PLCB1: variants seen among roughly 807,000 people sequenced by gnomAD.
PLCB1 encodes the protein 1-phosphatidylinositol 4,5-bisphosphate phosphodiesterase beta-1.
In PLCB1, 46 loss-of-function variants were observed where a neutral mutation model predicts 161.8. That is an observed-to-expected ratio of 0.28 (90% CI 0.22 to 0.36). PLCB1 has a LOEUF of 0.36. Ranked by LOEUF, PLCB1 falls within the 10% of genes least tolerant of loss-of-function variation. The probability of loss-of-function intolerance (pLI) is 1.00; values close to 1 mark genes in which losing one functional copy is unlikely to be tolerated. For synonymous variants in PLCB1, 517 were observed against 503.7 expected, an observed-to-expected ratio of 1.03 and a Z score of -0.35; for missense variants, 1,016 against 1,472.5, an observed-to-expected ratio of 0.69 and a Z score of 5.07.
chr20:8,476,598 T>C (rs1982292297), intron 3 of PLCB1, among the ~76,000 whole-genome samples: 1 of 152,226 alleles, frequency 6.6e-6, no homozygotes, highest in African/African-American at 2.4e-5. Flanking sequence ...AATTTCTTCA[T>C]TAGAGCCTTC....
chr20:8,404,809 T>G (rs2122488208), intron 3 of PLCB1, among the ~76,000 whole-genome samples: 1 of 152,318 alleles, frequency 6.6e-6, no homozygotes, highest in Admixed American at 6.5e-5. Flanking sequence ...ATTTTGGAAG[T>G]ATGGCTTTAA....
chr20:8,643,802 GTCTCCC>G (rs1989040233), intron 4 of PLCB1, among the ~76,000 whole-genome samples: 1 of 105,418 alleles, frequency 9.5e-6, no homozygotes, highest in Non-Finnish European at 2.0e-5. Context: ...TCTCCCCATG[GTCTCCC>G]TCTCCCTCTC....
chr20:8,771,873 C>CCTTCCTTCCTTCA (rs1982699089), intron 26 of PLCB1, among the ~76,000 whole-genome samples: 1 of 89,736 alleles, frequency 1.1e-5, no homozygotes, highest in African/African-American at 4.2e-5. Flanking sequence ...TCCTTCCTTC[C>CCTTCCTTCCTTCA]TTCGTTCCTT....
intron 26 of PLCB1, among the ~76,000 whole-genome samples, chr20:8,772,434 C>T (rs1402525258): frequency 6.6e-6 from 1 of 152,154 alleles, no homozygotes; most frequent in African/African-American, 2.4e-5. Flanking sequence ...CACTACTGCA[C>T]CTCCATGCTG....
intron 2 of PLCB1, among the ~76,000 whole-genome samples, chr20:8,219,998 G>T (rs1344527252): frequency 1.3e-5 from 2 of 152,064 alleles, no homozygotes; most frequent in Admixed American, 1.3e-4. Flanking sequence ...ACAATGCCTG[G>T]CATACAATAA....
intron 3 of PLCB1, among the ~76,000 whole-genome samples, chr20:8,567,731 C>T (rs1986382479): frequency 6.6e-6 from 1 of 152,072 alleles, no homozygotes; most frequent in Admixed American, 6.6e-5. Context: ...AAGACTCCAA[C>T]TCTAAAACAC....
At chr20:8,383,269 G>T (rs1483787826) in intron 3 of PLCB1, among the ~76,000 whole-genome samples, 5 of 152,138 alleles carry the variant, frequency 3.3e-5, no homozygotes, top group African/African-American at 1.2e-4. Flanking sequence ...TTGTTGAATT[G>T]ATCCCTTTAC....
At chr20:8,301,589 A>G (rs998905823) in intron 2 of PLCB1, among the ~76,000 whole-genome samples, 6 of 152,050 alleles carry the variant, frequency 3.9e-5, no homozygotes, top group Admixed American at 2.6e-4. Context: ...CACTAGACAC[A>G]TGCAACTCCT....
chr20:8,629,841 CTTTCTTTCTT>C (rs1988486591), intron 4 of PLCB1, among the ~76,000 whole-genome samples: 3 of 92,242 alleles, frequency 3.3e-5, no homozygotes, highest in Non-Finnish European at 6.4e-5. Context: ...TTCTTTCTTT[CTTTCTTTCTT>C]TCTTTCTTTC....
At chr20:8,718,128 G>T (rs1347722924) in intron 14 of PLCB1, among the ~76,000 whole-genome samples, 3 of 152,114 alleles carry the variant, frequency 2.0e-5, no homozygotes, top group Non-Finnish European at 4.4e-5. Flanking sequence ...GCTGAGGCAG[G>T]AGAATCGCTT....
chr20:8,642,316 T>C, intron 4 of PLCB1, among the ~76,000 whole-genome samples: 1 of 152,220 alleles, frequency 6.6e-6, no homozygotes, highest in East Asian at 1.9e-4. Context: ...AGATAGTCCT[T>C]TCTGATTTTA....
intron 24 of PLCB1, among the ~76,000 whole-genome samples, chr20:8,758,812 T>C (rs1981870856): frequency 6.6e-6 from 1 of 152,186 alleles, no homozygotes; most frequent in South Asian, 2.1e-4. Context: ...TTTGGAATAA[T>C]TGAACTTACA....
intron 9 of PLCB1, among the ~76,000 whole-genome samples, chr20:8,662,907 C>A (rs1600234799): frequency 6.6e-6 from 1 of 152,012 alleles, no homozygotes; most frequent in South Asian, 2.1e-4. Flanking sequence ...AAACTTTAAA[C>A]TTTTAGTCAA....
rs1266121205 is a variant in PLCB1 at position 8,878,983 on chromosome 20, C to A, written c.3424-2639C>A. Among the ~76,000 whole-genome samples the A allele has an allele frequency of 2.0e-5, 3 of 152,046 alleles. No individual in the cohort carries two copies. In the East Asian group the frequency reaches 5.8e-4, roughly 29 times the overall value. ...CTCCCTCCCCCACTTTATTAGTCCC[C>A]AGTGTCAATCATTGCCATATTTATG... On this transcript the variant is annotated intron_variant, in intron 31 of 31. Transcript: ENST00000338037.
intron 2 of PLCB1, among the ~76,000 whole-genome samples, chr20:8,353,634 C>T (rs1986259474): frequency 6.6e-6 from 1 of 152,094 alleles, no homozygotes; most frequent in Non-Finnish European, 1.5e-5. Context: ...CCCACAACTT[C>T]AGCCTAATCA....
At position 8,472,094 on chromosome 20, in the gene PLCB1, A is replaced by G. The variant is rs192019211; in HGVS notation, c.246+100644A>G. Among the ~76,000 whole-genome samples, 5 of 152,202 alleles carry G rather than the reference A, an allele frequency of 3.3e-5. No homozygotes were observed. In the East Asian group the frequency reaches 9.6e-4, roughly 29 times the overall value. On this transcript the variant is annotated intron_variant, in intron 3 of 31. Coordinates refer to ENST00000338037, the MANE Select transcript of PLCB1 (RefSeq NM_015192.4). ...ATAAGTGAAAAAATAATTATTTTTG[A>G]TTTCTCCCCTAAGGTACTAGCAATG...
In PLCB1 at chr20:8,196,451, T is replaced by C. The variant is rs554861998; in HGVS notation, c.177+46080T>C. Among the ~76,000 whole-genome samples, 67 of 152,082 alleles carry C rather than the reference T, an allele frequency of 4.4e-4. 1 individual carries two copies. The South Asian group carries it at 0.013, about 30-fold the overall frequency. On this transcript the variant is annotated intron_variant, in intron 2 of 31. Transcript: ENST00000338037. ...ATGGGATTACTTTTATCAACTAATC[T>C]GGTGTTTTTTTCTACCTCTGTAGAA...
intron 4 of PLCB1, among the ~76,000 whole-genome samples, chr20:8,636,631 T>C (rs1267295602): frequency 6.6e-6 from 1 of 152,232 alleles, no homozygotes; most frequent in Non-Finnish European, 1.5e-5. Context: ...GCAATTGCTA[T>C]TCTGGTGACT....
intron 2 of PLCB1, among the ~76,000 whole-genome samples, chr20:8,270,379 A>T (rs1210055608): frequency 2.0e-5 from 3 of 152,140 alleles, no homozygotes; most frequent in Admixed American, 6.6e-5. Flanking sequence ...GAAAGATTCA[A>T]GGGAAAGGAA....
Sources: allele counts gnomAD v4.1 joint callset (sites outside exome capture counted in the v4.1 genomes callset), GRCh38; gene constraint gnomAD v4.1.1; transcripts MANE v1.5; gene names NCBI Gene and HGNC (gene_info 2026-07-23, HGNC 2026-07-21).